PARP8: variants seen among roughly 807,000 people sequenced by gnomAD.
PARP8 encodes protein mono-ADP-ribosyltransferase PARP8.
A neutral mutation model predicts 124.1 loss-of-function variants in PARP8; 51 were observed. The observed-to-expected ratio is 0.41, with a 90% CI of 0.33 to 0.52. PARP8 has a LOEUF of 0.52. Ranked by LOEUF, PARP8 falls within the 20% of genes least tolerant of loss-of-function variation. The probability of loss-of-function intolerance (pLI) is 0.21; values close to 1 mark genes in which losing one functional copy is unlikely to be tolerated. For synonymous variants in PARP8, 391 were observed against 361.5 expected, an observed-to-expected ratio of 1.08 and a Z score of -0.93; for missense variants, 860 against 1,018.9, an observed-to-expected ratio of 0.84 and a Z score of 2.12.
At position 50,842,965 on chromosome 5, in the gene PARP8, G is replaced by T. The variant is rs541595741; in HGVS notation, c.*897G>T. The T allele has an allele frequency of 6.6e-6, 1 of 151,526 alleles. No individual in the cohort carries two copies. The highest frequency in any genetic ancestry group is 1.9e-4 in the East Asian group (1 of 5,142). 9.4% of individuals were successfully genotyped at this position (151,526 alleles called of 1,614,324 possible). ...TTATGTATTTAAAAGAAAGACCTCA[G>T]AATTTAAAGAAACCATATATATTTT... On this transcript the variant is annotated 3_prime_UTR_variant, in exon 26 of 26. Transcript: ENST00000281631.
intron 7 of PARP8, among the ~76,000 whole-genome samples, chr5:50,774,948 A>G (rs1739796225): frequency 6.8e-6 from 1 of 146,054 alleles, no homozygotes; most frequent in African/African-American, 2.6e-5. Flanking sequence ...GGCGCTCCCC[A>G]CTTCCCAGAC....
At chr5:50,813,246 G>GT (rs1397104478) in intron 14 of PARP8, among the ~76,000 whole-genome samples, 3 of 152,112 alleles carry the variant, frequency 2.0e-5, no homozygotes, top group Non-Finnish European at 4.4e-5. Flanking sequence ...TCTTCCATTT[G>GT]TTTGTATCCT....
chr5:50,741,904 G>C, intron 2 of PARP8: 1 of 436,380 alleles, frequency 2.3e-6, no homozygotes, highest in Non-Finnish European at 4.5e-6. Context: ...CCGCCTCCCA[G>C]GTTCAAGTGA....
chr5:50,750,210 A>G (rs1288635778), intron 3 of PARP8, 22 bp downstream of exon 3: 1 of 1,554,910 alleles, frequency 6.4e-7, no homozygotes. Flanking sequence ...TTGTTTTATT[A>G]CAGATATTCG....
At chr5:50,739,787 G>A (rs372264119) in intron 2 of PARP8, among the ~76,000 whole-genome samples, 6 of 136,168 alleles carry the variant, frequency 4.4e-5, no homozygotes, top group East Asian at 2.1e-4. Context: ...CCACGCTGGA[G>A]TGAGGTGGCA....
chr5:50,706,556 A>G (rs1156921393), intron 2 of PARP8, among the ~76,000 whole-genome samples: 1 of 152,094 alleles, frequency 6.6e-6, no homozygotes, highest in Non-Finnish European at 1.5e-5. Context: ...TTTGGATTTG[A>G]GTTCAAGATC....
At chr5:50,672,190 G>A (rs1374544533) in intron 2 of PARP8, among the ~76,000 whole-genome samples, 8 of 152,094 alleles carry the variant, frequency 5.3e-5, no homozygotes, top group African/African-American at 1.4e-4. Context: ...TGGCATCTTC[G>A]TCTGTATGAT....
At chr5:50,709,955 T>TATATACACAC (rs149858890) in intron 2 of PARP8, among the ~76,000 whole-genome samples, 19 of 103,316 alleles carry the variant, frequency 1.8e-4, no homozygotes, top group Admixed American at 8.4e-4. Context: ...TATATATATA[T>TATATACACAC]ACACATACAT....
At chr5:50,716,425 G>A (rs1241593703) in intron 2 of PARP8, among the ~76,000 whole-genome samples, 6 of 152,092 alleles carry the variant, frequency 3.9e-5, no homozygotes, top group Non-Finnish European at 8.8e-5. Flanking sequence ...GGCTTTATAG[G>A]CAGAAAAGGA....
chr5:50,726,420 T>A (rs1181260235), intron 2 of PARP8, among the ~76,000 whole-genome samples: 1 of 152,204 alleles, frequency 6.6e-6, no homozygotes, highest in Admixed American at 6.5e-5. Flanking sequence ...ATGTTTTTAT[T>A]GATAGGAGTA....
intron 2 of PARP8, among the ~76,000 whole-genome samples, chr5:50,688,639 CAA>C (rs752235610): frequency 3.0e-4 from 46 of 152,244 alleles, no homozygotes; most frequent in Non-Finnish European, 3.8e-4. Flanking sequence ...GATAGAAATT[CAA>C]AGTCAGATAA....
At chr5:50,694,656 G>T (rs1428386917) in intron 2 of PARP8, among the ~76,000 whole-genome samples, 1 of 152,074 alleles carries the variant, frequency 6.6e-6, no homozygotes, top group East Asian at 1.9e-4. Flanking sequence ...TATTAGTCTG[G>T]GTTCTCTAGA....
chr5:50,761,384 A>G (rs1273724319), intron 5 of PARP8, among the ~76,000 whole-genome samples: 3 of 152,108 alleles, frequency 2.0e-5, no homozygotes, highest in East Asian at 1.9e-4. Context: ...ATTTGATTAT[A>G]TATTATTGCA....
chr5:50,755,363 T>G (rs1271318264), intron 3 of PARP8, among the ~76,000 whole-genome samples: 6 of 152,178 alleles, frequency 3.9e-5, no homozygotes, highest in Non-Finnish European at 7.3e-5. Flanking sequence ...TTATATAAGG[T>G]GTAAGGAAAG....
intron 2 of PARP8, among the ~76,000 whole-genome samples, chr5:50,705,657 C>T (rs1362620671): frequency 2.6e-5 from 4 of 151,926 alleles, no homozygotes; most frequent in Admixed American, 2.0e-4. Flanking sequence ...TGATGGCGTG[C>T]GCCTGTAATC....
chr5:50,788,612 A>G (rs1561381729), intron 10 of PARP8, 23 bp downstream of exon 10: 2 of 1,586,802 alleles, frequency 1.3e-6, no homozygotes, highest in Non-Finnish European at 1.7e-6. Flanking sequence ...AAGTGCAAAA[A>G]ATAAATTTCT....
chr5:50,800,351 A>G (rs372748631), intron 14 of PARP8, among the ~76,000 whole-genome samples: 3 of 152,306 alleles, frequency 2.0e-5, no homozygotes, highest in African/African-American at 2.4e-5. Flanking sequence ...TTGTTTCTCT[A>G]TATAAAATTA....
chr5:50,753,431 T>C (rs1438307561), intron 3 of PARP8, among the ~76,000 whole-genome samples: 1 of 152,062 alleles, frequency 6.6e-6, no homozygotes, highest in East Asian at 1.9e-4. Flanking sequence ...TATATCAAAT[T>C]ATAGCCCCAA....
At chr5:50,690,683 C>G (rs912685771) in intron 2 of PARP8, among the ~76,000 whole-genome samples, 3 of 152,150 alleles carry the variant, frequency 2.0e-5, no homozygotes, top group Non-Finnish European at 4.4e-5. Context: ...TCACCTAGTC[C>G]AATCCTATGC....
Sources: allele counts gnomAD v4.1 joint callset (sites outside exome capture counted in the v4.1 genomes callset), GRCh38; gene constraint gnomAD v4.1.1; transcripts MANE v1.5; gene names NCBI Gene and HGNC (gene_info 2026-07-23, HGNC 2026-07-21).